The following NDUFAF8 variants were observed in gnomAD, a reference collection of about 807,000 sequenced individuals.
NDUFAF8 encodes the protein NADH dehydrogenase [ubiquinone] 1 alpha subcomplex assembly factor 8.
Under a neutral mutation model 9.9 loss-of-function variants are expected in NDUFAF8, and 9 were observed. That is an observed-to-expected ratio of 0.91 (90% CI 0.55 to 1.59). The LOEUF (loss-of-function observed/expected upper bound fraction) is 1.59. NDUFAF8 is among the 40% of genes most tolerant of loss of function. The pLI, the probability that NDUFAF8 is intolerant of heterozygous loss-of-function variation, is 0.00. For missense variants in NDUFAF8, 114 were observed against 113.8 expected (o/e 1.00, Z -0.01); for synonymous variants, 63 against 51.2 (o/e 1.23, Z -0.98).
rs1209001864 is a variant in NDUFAF8 at position 81,239,378 on chromosome 17, A to C, written c.15A>C (p.Gly5=). 8.3e-5 allele frequency: 114 copies of C among 1,365,682 alleles called. No individual in the cohort carries two copies. Among genetic ancestry groups the C allele is most frequent in the Non-Finnish European group, 9.5e-5 (101 of 1,058,814 alleles). The allele number at this position is 1,365,682 out of a possible 1,614,324, so 84.6% of individuals were successfully genotyped here. A position where few individuals can be genotyped will look rare whatever the true frequency, so the allele number is the denominator to read the frequency against. Residue 5 remains glycine (G), a synonymous_variant, in exon 1 of 3, where the codon GGA becomes GGC. Coordinates refer to ENST00000431388, the MANE Select transcript of NDUFAF8 (RefSeq NM_001086521.2). MSAN[G]AVWGRVRSRL... Reference sequence around the variant, plus strand: ...AATAGCCGCTCATGTCGGCTAACGGAGCGGTGTGGGGCCGCGTGCGAAGCC... The same window carrying C: ...AATAGCCGCTCATGTCGGCTAACGGCGCGGTGTGGGGCCGCGTGCGAAGCC...
chr17:81,239,997 A>C, intron 2 of NDUFAF8: 1 of 412,150 alleles, frequency 2.4e-6, no homozygotes, highest in Admixed American at 4.2e-5. Context: ...GGATTGACCC[A>C]ACACAGGACT....
In NDUFAF8 at chr17:81,241,305, C is replaced by A; in HGVS notation, c.*289C>A. 2 of 732,628 alleles carry A rather than the reference C, an allele frequency of 2.7e-6. No homozygotes were observed. Among genetic ancestry groups the A allele is most frequent in the Non-Finnish European group, 3.7e-6 (2 of 534,020 alleles). The allele number at this position is 732,628 out of a possible 1,614,324, so 45.4% of individuals were successfully genotyped here. On this transcript the variant is annotated 3_prime_UTR_variant, in exon 3 of 3. Coordinates refer to ENST00000431388, the MANE Select transcript of NDUFAF8 (RefSeq NM_001086521.2). ...CAGCCTGGGGCTTACTGTGTGCAGA[C>A]TGCAACATGTGGGTCTTGGCCTCTC...
intron 2 of NDUFAF8, chr17:81,240,045 C>T (rs371417097): frequency 9.8e-6 from 3 of 305,222 alleles, no homozygotes; most frequent in South Asian, 8.8e-5. Flanking sequence ...TCTTCACCTC[C>T]CTGGCACTTG....
chr17:81,240,875 C>T (rs1291020183), intron 2 of NDUFAF8, 112 bp from the exon 3 acceptor site: 2 of 1,379,396 alleles, frequency 1.4e-6, no homozygotes, highest in Non-Finnish European at 2.0e-6. Context: ...ATGCCAGCAC[C>T]CAAGTTCTCT....
At chr17:81,239,992 G>C (rs1182054534) in intron 2 of NDUFAF8, 4 of 428,314 alleles carry the variant, frequency 9.3e-6, no homozygotes, top group Non-Finnish European at 1.7e-5. Flanking sequence ...TGCCAGGATT[G>C]ACCCAACACA....
intron 2 of NDUFAF8, 94 bp downstream of exon 2, chr17:81,239,772 G>A: frequency 7.6e-7 from 1 of 1,317,864 alleles, no homozygotes; most frequent in Non-Finnish European, 1.0e-6. Context: ...TTGGTTCAAG[G>A]TTTGAGCGCC....
At chr17:81,239,921 C>T (rs1335188796) in intron 2 of NDUFAF8, 17 of 573,682 alleles carry the variant, frequency 3.0e-5, no homozygotes, top group South Asian at 1.8e-4. Context: ...GAGATGTGTG[C>T]AAAAAAGCGC....
chr17:81,241,186 G>T lies in NDUFAF8; in HGVS notation c.*170G>T. 1 of 1,392,766 alleles carries T rather than the reference G, an allele frequency of 7.2e-7. No homozygotes were observed. Among genetic ancestry groups the T allele is most frequent in the Non-Finnish European group, 9.3e-7 (1 of 1,070,306 alleles). The allele number at this position is 1,392,766 out of a possible 1,614,324, so 86.3% of individuals were successfully genotyped here. ...TTTTTCTTAACAAGTTGAGGCGTGG[G>T]TAGAGCAGGAATTGGTTTTCCAGCA... On this transcript the variant is annotated 3_prime_UTR_variant, in exon 3 of 3. Coordinates refer to ENST00000431388, the MANE Select transcript of NDUFAF8 (RefSeq NM_001086521.2).
intron 2 of NDUFAF8, 143 bp downstream of exon 2, chr17:81,239,821 G>A (rs2146862123): frequency 1.1e-6 from 1 of 933,904 alleles, no homozygotes; most frequent in East Asian, 2.7e-5. Context: ...AAATCACCGA[G>A]CCATCGACGA....
intron 2 of NDUFAF8, 105 bp from the exon 3 acceptor site, chr17:81,240,882 C>A: frequency 3.5e-6 from 5 of 1,413,726 alleles, no homozygotes; most frequent in Non-Finnish European, 4.8e-6. Context: ...CACCCAAGTT[C>A]TCTGTAAGGT....
chr17:81,240,284 G>C (rs1174391261), intron 2 of NDUFAF8: 2 of 155,154 alleles, frequency 1.3e-5, no homozygotes, highest in East Asian at 1.9e-4. Flanking sequence ...CGGAGATTTG[G>C]ACCAGAGAAA....
intron 2 of NDUFAF8, chr17:81,239,903 A>G (rs1200829466): frequency 3.3e-6 from 2 of 599,530 alleles, no homozygotes; most frequent in Non-Finnish European, 5.8e-6. Flanking sequence ...CAACCTCAGA[A>G]AGGATGGGAG....
chr17:81,239,349 T>G lies in NDUFAF8; in HGVS notation c.-15T>G, dbSNP rs879803337. The stretch of plus-strand genomic sequence containing the variant: ...CCTAAGATGGCGGCCTCCAGGGGGC[T>G]GGGAATAGCCGCTCATGTCGGCTAA... On this transcript the variant is annotated 5_prime_UTR_variant, in exon 1 of 3. Transcript: ENST00000431388. 145 of 1,366,470 alleles carry G rather than the reference T, an allele frequency of 1.1e-4. No individual in the cohort carries two copies. Among genetic ancestry groups the G allele is most frequent in the Non-Finnish European group, 1.3e-4 (143 of 1,059,412 alleles). 84.6% of individuals were successfully genotyped at this position (1,366,470 alleles called of 1,614,324 possible).
Position 81,239,464 on chromosome 17 carries a change from G to A in NDUFAF8, c.84+17G>A. 7 of 1,370,144 alleles carry A rather than the reference G, an allele frequency of 5.1e-6. No homozygotes were observed. The highest frequency in any genetic ancestry group is 6.6e-6 in the Non-Finnish European group (7 of 1,064,540). The allele number at this position is 1,370,144 out of a possible 1,614,324, so 84.9% of individuals were successfully genotyped here. A position where few individuals can be genotyped will look rare whatever the true frequency, so the allele number is the denominator to read the frequency against. ...GGGGCCGAGGTGAGGAGCCGCGGGC[G>A]GGCCAGTGCTGCGGGGCAGGAGGAG... On this transcript the variant is annotated intron_variant, in intron 1 of 2. Transcript: ENST00000431388.
At chr17:81,240,173 G>C (rs2062801732) in intron 2 of NDUFAF8, 1 of 180,722 alleles carries the variant, frequency 5.5e-6, no homozygotes, top group Non-Finnish European at 1.2e-5. Flanking sequence ...AAGTCATTCT[G>C]AGGCTGGTTC....
At chr17:81,240,429 G>A (rs1260710872) in intron 2 of NDUFAF8, 1 of 153,660 alleles carries the variant, frequency 6.5e-6, no homozygotes, top group African/African-American at 2.4e-5. Flanking sequence ...CTACCGCTTT[G>A]GGAGGCTGAG....
chr17:81,239,788 C>A, intron 2 of NDUFAF8, 110 bp downstream of exon 2: 1 of 1,196,856 alleles, frequency 8.4e-7, no homozygotes, highest in Non-Finnish European at 1.2e-6. Context: ...GCGCCTGCCG[C>A]GTGCTTTAGA....
rs564494100 is a variant in NDUFAF8 at position 81,240,094 on chromosome 17, C to T, written c.195+416C>T. ...CCTGCAGTGGTGGATTCCTTCAGCA[C>T]GTGTCCTGCGGGGAACCCCCAGCCA... is the stretch of plus-strand genomic sequence containing the variant. On this transcript the variant is annotated intron_variant, in intron 2 of 2. Coordinates refer to ENST00000431388, the MANE Select transcript of NDUFAF8 (RefSeq NM_001086521.2). The T allele has an allele frequency of 1.4e-3, 338 of 242,092 alleles. 2 individuals carry two copies. The highest frequency in any genetic ancestry group is 2.8e-3 in the Admixed American group (51 of 18,424). 15.0% of individuals were successfully genotyped at this position (242,092 alleles called of 1,614,324 possible).
rs893216444 is a variant in NDUFAF8 at position 81,240,974 on chromosome 17, CTT to C, written c.196-11_196-10del. On this transcript the variant is annotated splice_polypyrimidine_tract_variant and intron_variant, in intron 2 of 2. Transcript: ENST00000431388. ...GGAAGCAAGCCATTCAGACAAAACACTTTATCTTGCAGGCCAAGAAGACGCTG... is the reference window on the plus strand; with the variant it reads ...GGAAGCAAGCCATTCAGACAAAACACTATCTTGCAGGCCAAGAAGACGCTG... 4 of 1,612,778 alleles carry C rather than the reference CTT, an allele frequency of 2.5e-6. No homozygotes were observed. The highest frequency in any genetic ancestry group is 1.7e-5 in the Admixed American group (1 of 59,834).
Sources: allele counts gnomAD v4.1 joint callset, GRCh38; gene constraint gnomAD v4.1.1; transcripts MANE v1.5; gene names NCBI Gene and HGNC (gene_info 2026-07-23, HGNC 2026-07-21).